Variants in RHOBTB1 observed in about 807,000 individuals in gnomAD.
RHOBTB1 encodes rho-related BTB domain-containing protein 1.
A neutral mutation model predicts 71.6 loss-of-function variants in RHOBTB1; 40 were observed. The observed-to-expected ratio is 0.56, with a 90% confidence interval of 0.43 to 0.73. The LOEUF (loss-of-function observed/expected upper bound fraction) is 0.73. Among genes scored for constraint, RHOBTB1 ranks in the 30% least tolerant of loss-of-function variants. The pLI is 0.00. For missense variants in RHOBTB1, 797 were observed against 894.0 expected, an observed-to-expected ratio of 0.89 and a Z score of 1.38; for synonymous variants, 319 against 334.9, an observed-to-expected ratio of 0.95 and a Z score of 0.52.
At chr10:60,984,034 T>TA (rs1316096725) in intron 2 of RHOBTB1, among the ~76,000 whole-genome samples, 2 of 152,232 alleles carry the variant, frequency 1.3e-5, no homozygotes, top group African/African-American at 4.8e-5. Context: ...CTATACCACT[T>TA]AAAATCTCTC....
chr10:60,967,098 G>A (rs1047507546), intron 2 of RHOBTB1, among the ~76,000 whole-genome samples: 2 of 151,964 alleles, frequency 1.3e-5, no homozygotes, highest in East Asian at 3.9e-4. Context: ...CCGCAGTCAG[G>A]GTTTGAGGAG....
intron 1 of RHOBTB1, chr10:61,001,375 C>CACGCCCCGCG (rs2087265376): frequency 6.6e-6 from 1 of 151,900 alleles, no homozygotes; most frequent in Non-Finnish European, 1.5e-5. Flanking sequence ...CCCGCCCCGC[C>CACGCCCCGCG]ACGCCCCGCG....
At chr10:60,992,970 T>A (rs2086919794) in intron 1 of RHOBTB1, among the ~76,000 whole-genome samples, 1 of 152,176 alleles carries the variant, frequency 6.6e-6, no homozygotes, top group African/African-American at 2.4e-5. Context: ...TAGACTCCTA[T>A]CCAAGGAAAC....
chr10:60,926,396 C>T (rs2083886653), intron 2 of RHOBTB1, among the ~76,000 whole-genome samples: 4 of 152,140 alleles, frequency 2.6e-5, no homozygotes, highest in Admixed American at 2.6e-4. Context: ...CAGTGTTATC[C>T]TGATACCACA....
intron 2 of RHOBTB1, among the ~76,000 whole-genome samples, chr10:60,965,986 C>A (rs1589430308): frequency 6.6e-6 from 1 of 151,838 alleles, no homozygotes; most frequent in African/African-American, 2.4e-5. Flanking sequence ...ATCTTACAGA[C>A]AATAAATATA....
intron 2 of RHOBTB1, among the ~76,000 whole-genome samples, chr10:60,920,954 T>C (rs113148165): frequency 1.8e-5 from 2 of 109,596 alleles, no homozygotes; most frequent in African/African-American, 3.4e-5. Context: ...GTTTTTTTTT[T>C]GTTTTTTTTT....
chr10:60,881,803 G>A (rs2081341081), intron 7 of RHOBTB1, among the ~76,000 whole-genome samples: 1 of 152,126 alleles, frequency 6.6e-6, no homozygotes, highest in Non-Finnish European at 1.5e-5. Context: ...TCCGGCTGCA[G>A]CAGATGACAG....
At chr10:60,944,515 C>T (rs140546646), upstream of RHOBTB1, among the ~76,000 whole-genome samples, 313 of 152,260 alleles carry the variant, frequency 2.1e-3, no homozygotes, top group Admixed American at 5.9e-3. Context: ...AGACCCCGGC[C>T]CTTTCCCCGC....
intron 2 of RHOBTB1, among the ~76,000 whole-genome samples, chr10:60,921,803 G>A (rs1461553762): frequency 1.3e-5 from 2 of 152,168 alleles, no homozygotes; most frequent in African/African-American, 4.8e-5. Flanking sequence ...GCCTGCAGTT[G>A]GTGAGAGAAA....
intron 7 of RHOBTB1, among the ~76,000 whole-genome samples, chr10:60,884,682 G>C (rs2081484874): frequency 6.6e-6 from 1 of 152,160 alleles, no homozygotes; most frequent in African/African-American, 2.4e-5. Flanking sequence ...TGTCATTCAA[G>C]ACAACATGCA....
intron 2 of RHOBTB1, among the ~76,000 whole-genome samples, chr10:60,921,211 G>A (rs1181586617): frequency 2.0e-5 from 3 of 152,008 alleles, no homozygotes; most frequent in African/African-American, 7.2e-5. Flanking sequence ...GCCTCCCAAA[G>A]TGCTGGGATT....
chr10:60,958,716 T>C (rs1431908745), intron 2 of RHOBTB1, among the ~76,000 whole-genome samples: 3 of 152,114 alleles, frequency 2.0e-5, no homozygotes, highest in African/African-American at 4.8e-5. Flanking sequence ...TCCTCCTACC[T>C]GAGTCTCCTG....
At chr10:60,947,941 A>G (rs1339032414), upstream of RHOBTB1, among the ~76,000 whole-genome samples, 2 of 151,758 alleles carry the variant, frequency 1.3e-5, no homozygotes, top group African/African-American at 4.8e-5. Flanking sequence ...CCAGTAATGT[A>G]TGAGAGATCT....
chr10:60,986,355 C>T (rs1320587096), intron 1 of RHOBTB1, among the ~76,000 whole-genome samples: 2 of 145,356 alleles, frequency 1.4e-5, no homozygotes, highest in East Asian at 4.1e-4. Context: ...TTCTTTTTAC[C>T]TTGAGGATTT....
intron 2 of RHOBTB1, among the ~76,000 whole-genome samples, chr10:60,938,716 T>A (rs1444558186): frequency 1.3e-5 from 2 of 152,076 alleles, no homozygotes; most frequent in South Asian, 2.1e-4. Context: ...TGGTTTAAAG[T>A]GTTGTTTTTT....
chr10:60,939,885 A>G (rs971311479), intron 2 of RHOBTB1, among the ~76,000 whole-genome samples: 4 of 152,236 alleles, frequency 2.6e-5, no homozygotes, highest in Non-Finnish European at 5.9e-5. Context: ...GATTATTATT[A>G]GAGATGCCAT....
chr10:60,917,699 A>G (rs548830146), intron 2 of RHOBTB1, among the ~76,000 whole-genome samples: 1 of 152,104 alleles, frequency 6.6e-6, no homozygotes, highest in South Asian at 2.1e-4. Context: ...ATACAATCAC[A>G]TTGGGGGTTA....
intron 5 of RHOBTB1, among the ~76,000 whole-genome samples, chr10:60,890,371 C>T (rs898465555): frequency 3.3e-5 from 5 of 152,030 alleles, no homozygotes; most frequent in Admixed American, 1.3e-4. Context: ...TATGACCTGG[C>T]GGCAGTTCTG....
In RHOBTB1 at chr10:60,885,961, T is replaced by C. The variant is rs943338185; in HGVS notation, c.1575+151A>G. 22 of 681,352 alleles carry C rather than the reference T, an allele frequency of 3.2e-5. No individual in the cohort carries two copies. In the South Asian group the frequency reaches 3.8e-4, roughly 12 times the overall value. 42.2% of individuals were successfully genotyped at this position (681,352 alleles called of 1,614,324 possible). A position where few individuals can be genotyped will look rare whatever the true frequency, so the allele number is the denominator to read the frequency against. On this transcript the variant is annotated intron_variant, in intron 7 of 10. Coordinates refer to ENST00000337910, the MANE Select transcript of RHOBTB1 (RefSeq NM_014836.5). ...ACCCTCAAGCACTACTAAGGAGCAA[T>C]AGCTCCTTATGATTATGACTAACAG...
Sources: gnomAD v4.1 joint callset for allele counts (sites outside exome capture counted in the v4.1 genomes callset) on GRCh38, gnomAD v4.1.1 for gene constraint, MANE v1.5 for transcripts, NCBI Gene and HGNC (gene_info 2026-07-23, HGNC 2026-07-21) for gene names.